The following DCAF6 variants were observed in gnomAD, a reference collection of about 807,000 sequenced individuals.
The protein encoded by DCAF6 is DDB1- and CUL4-associated factor 6.
Under a neutral mutation model 125.1 loss-of-function variants are expected in DCAF6, and 54 were observed. That is an observed-to-expected ratio of 0.43 (90% confidence interval 0.35 to 0.54). The LOEUF is 0.54. Among genes scored for constraint, DCAF6 ranks in the 20% least tolerant of loss-of-function variants. The pLI is 0.01. For missense variants in DCAF6, 934 were observed against 1,161.7 expected, an observed-to-expected ratio of 0.80 and a Z score of 2.85; for synonymous variants, 371 against 390.4, an observed-to-expected ratio of 0.95 and a Z score of 0.58.
intron 1 of DCAF6, among the ~76,000 whole-genome samples, chr1:167,946,694 C>G (rs1252902340): frequency 6.6e-6 from 1 of 152,140 alleles, no homozygotes; most frequent in Non-Finnish European, 1.5e-5. Flanking sequence ...ATATGTTGAC[C>G]TATCCTTGCA....
chr1:167,983,930 G>A (rs1679564035), intron 4 of DCAF6, among the ~76,000 whole-genome samples: 1 of 152,266 alleles, frequency 6.6e-6, no homozygotes, highest in African/African-American at 2.4e-5. Flanking sequence ...ATTGTGATAA[G>A]TCTTTGAGGA....
At chr1:167,889,040 T>G in the DCAF6 span, among the ~76,000 whole-genome samples, 1 of 152,208 alleles carries the variant, frequency 6.6e-6, no homozygotes, top group Admixed American at 6.5e-5. Flanking sequence ...AAGGATAATT[T>G]GACTTCTTCC....
chr1:167,984,284 C>T (rs889873334), intron 4 of DCAF6, among the ~76,000 whole-genome samples: 22 of 152,286 alleles, frequency 1.4e-4, no homozygotes, highest in Admixed American at 3.9e-4. Context: ...TTTTCCCCTC[C>T]TTCTTGAGGA....
chr1:167,876,336 C>G, the DCAF6 span, among the ~76,000 whole-genome samples: 1 of 151,974 alleles, frequency 6.6e-6, no homozygotes, highest in Admixed American at 6.6e-5. Flanking sequence ...TTTAATTGCC[C>G]AAGACCCCAT....
chr1:167,901,632 C>T, the DCAF6 span: 19 of 1,610,296 alleles, frequency 1.2e-5, no homozygotes, highest in African/African-American at 8.0e-5. Flanking sequence ...TCCCAGCTGC[C>T]GTAGGATTTA....
chr1:167,963,645 T>C (rs1170381395), intron 2 of DCAF6, among the ~76,000 whole-genome samples: 2 of 152,112 alleles, frequency 1.3e-5, no homozygotes, highest in East Asian at 3.9e-4. Flanking sequence ...GCCAGGCTGG[T>C]CTCTAATTCC....
At chr1:167,944,294 T>G (rs61238731) in intron 1 of DCAF6, among the ~76,000 whole-genome samples, 4,318 of 152,338 alleles carry the variant, frequency 0.028, 150 homozygotes, top group African/African-American at 0.081. Flanking sequence ...GCACATATCT[T>G]TTAGATATAT....
chr1:168,027,454 A>G (rs759610738), intron 12 of DCAF6, among the ~76,000 whole-genome samples: 12 of 152,148 alleles, frequency 7.9e-5, no homozygotes, highest in Non-Finnish European at 1.2e-4. Context: ...TAGTACATTT[A>G]ATAAGTTTCC....
chr1:168,075,110 T>G (rs796492460), intron 21 of DCAF6, among the ~76,000 whole-genome samples: 2 of 152,360 alleles, frequency 1.3e-5, no homozygotes, highest in African/African-American at 2.4e-5. Context: ...GAACACTGTT[T>G]GACAACCACT....
intron 12 of DCAF6, among the ~76,000 whole-genome samples, chr1:168,026,940 G>A (rs1324076397): frequency 6.6e-6 from 1 of 152,070 alleles, no homozygotes; most frequent in African/African-American, 2.4e-5. Context: ...GGAGCAAGTA[G>A]AGAAAAGGAT....
the DCAF6 span, chr1:167,924,467 C>T: frequency 1.3e-6 from 2 of 1,580,210 alleles, no homozygotes; most frequent in Non-Finnish European, 1.7e-6. Flanking sequence ...ATTTGTCTTT[C>T]AGTAGCTTCC....
In DCAF6 at chr1:168,065,498, A is replaced by G. The variant is rs957430529; in HGVS notation, c.2440-92A>G. On this transcript the variant is annotated intron_variant, in intron 18 of 21. Coordinates refer to ENST00000367840, the MANE Select transcript of DCAF6 (RefSeq NM_001198956.2). ...AAGCCAGTTTTTTAAAAAATGTAAG[A>G]ATTAAAACAAATAAAAAAATGTAAG... 1.1e-5 allele frequency: 11 copies of G among 1,000,978 alleles called. No individual in the cohort carries two copies. The South Asian group carries it at 2.0e-4, about 18-fold the overall frequency. 62.0% of individuals were successfully genotyped at this position (1,000,978 alleles called of 1,614,324 possible).
chr1:167,880,766 A>T, the DCAF6 span, among the ~76,000 whole-genome samples: 1 of 152,298 alleles, frequency 6.6e-6, no homozygotes, highest in South Asian at 2.1e-4. Context: ...TACACTTCAA[A>T]CACTTCTACT....
the DCAF6 span, chr1:167,901,781 C>G: frequency 6.2e-7 from 1 of 1,614,200 alleles, no homozygotes; most frequent in Non-Finnish European, 8.5e-7. Flanking sequence ...TCGCTCCACC[C>G]TCCACAGGGC....
chr1:167,983,963 A>G (rs1348532235), intron 4 of DCAF6, among the ~76,000 whole-genome samples: 2 of 152,160 alleles, frequency 1.3e-5, no homozygotes, highest in East Asian at 1.9e-4. Flanking sequence ...GGGAGTCTCA[A>G]ACTTGTTTTG....
At chr1:167,951,530 A>G (rs1673937837) in intron 1 of DCAF6, among the ~76,000 whole-genome samples, 1 of 152,186 alleles carries the variant, frequency 6.6e-6, no homozygotes, top group African/African-American at 2.4e-5. Context: ...AGCTGAGATC[A>G]TGCCACTGCA....
the DCAF6 span, among the ~76,000 whole-genome samples, chr1:167,904,271 A>G: frequency 1.3e-5 from 2 of 151,888 alleles, no homozygotes; most frequent in Non-Finnish European, 2.9e-5. Context: ...TATTTTTAGT[A>G]CAGATGGGGT....
intron 13 of DCAF6, among the ~76,000 whole-genome samples, chr1:168,040,887 TAAA>T (rs59960933): frequency 8.7e-5 from 10 of 115,158 alleles, no homozygotes; most frequent in African/African-American, 2.6e-4. Flanking sequence ...ACATTCATTG[TAAA>T]AAAAAAAAAA....
the DCAF6 span, among the ~76,000 whole-genome samples, chr1:167,906,790 A>G: frequency 1.3e-5 from 2 of 152,124 alleles, no homozygotes; most frequent in African/African-American, 4.8e-5. Flanking sequence ...CTCCATCTCT[A>G]AAATAATAAT....
Sources: gnomAD v4.1 joint callset for allele counts (sites outside exome capture counted in the v4.1 genomes callset) on GRCh38, gnomAD v4.1.1 for gene constraint, MANE v1.5 for transcripts, NCBI Gene and HGNC (gene_info 2026-07-23, HGNC 2026-07-21) for gene names.